The following POGZ variants were observed in gnomAD, a reference collection of about 807,000 sequenced individuals.
POGZ encodes the protein pogo transposable element derived with ZNF domain.
POGZ carries 17 observed loss-of-function variants against 134.6 expected under a neutral mutation model. The observed-to-expected ratio is 0.13, with a 90% CI of 0.09 to 0.19. The LOEUF is 0.19. POGZ is among the 10% of genes least tolerant of loss of function. POGZ has a pLI of 1.00. For synonymous variants in POGZ, 693 were observed against 657.1 expected (o/e 1.05, Z -0.84); for missense variants, 1,306 against 1,769.7 (o/e 0.74, Z 4.70).
intron 3 of POGZ, among the ~76,000 whole-genome samples, chr1:151,433,984 G>C (rs1659164728): frequency 6.6e-6 from 1 of 152,126 alleles, no homozygotes; most frequent in Non-Finnish European, 1.5e-5. Context: ...TTCGAGTCCA[G>C]CCTGGACAAC....
chr1:151,406,361 C>T lies in POGZ; in HGVS notation c.2674G>A (p.Ala892Thr), dbSNP rs1571327878. ...AGCTCTTCAGGCTCAGCTGGGGTGG[C>T]CCCCGCAGATTTCACAGTGGCAGCT... ...NKAATVKSAG[A>T]TPAEPEELLT... Residue 892 changes from alanine (A) to threonine (T), a missense_variant, in exon 19 of 19, where the codon GCC (alanine) becomes ACC (threonine). Transcript: ENST00000271715. The T allele has an allele frequency of 1.3e-6, 2 of 1,593,086 alleles. No homozygotes were observed. The highest frequency in any genetic ancestry group is 8.5e-7 in the Non-Finnish European group (1 of 1,170,340).
rs1310224987 is a variant in POGZ, at chr1:151,406,009, C to T, written c.3026G>A (p.Arg1009His). The change falls in exon 19 of 19, where the codon CGT becomes CAT. Residue 1009 changes from arginine to histidine, a missense_variant. Physicochemically the swap from Arg to His is conservative, Grantham distance 29. Transcript: ENST00000271715. ...ATTCTCCCCCTGGGAGGCCTGGAAA[C>T]GTCGAAGCCAACGGCGAATACGTCG... ...PQRRIRRWLR[R>H]FQASQGENLE... The T allele has an allele frequency of 3.1e-6, 5 of 1,614,104 alleles. No individual in the cohort carries two copies. Among genetic ancestry groups the T allele is most frequent in the African/African-American group, 1.3e-5 (1 of 74,930 alleles).
intron 10 of POGZ, among the ~76,000 whole-genome samples, chr1:151,418,139 C>T (rs1331257209): frequency 6.6e-6 from 1 of 151,976 alleles, no homozygotes; most frequent in Non-Finnish European, 1.5e-5. Context: ...TCACTTTAAC[C>T]CAGGAGGTGG....
intron 3 of POGZ, among the ~76,000 whole-genome samples, chr1:151,431,288 C>T (rs1216643180): frequency 6.6e-6 from 1 of 152,160 alleles, no homozygotes; most frequent in African/African-American, 2.4e-5. Context: ...GTGGCTAGCA[C>T]CCTGACTCTC....
chr1:151,441,972 G>A (rs781064806), intron 2 of POGZ, 109 bp downstream of exon 2: 47 of 737,624 alleles, frequency 6.4e-5, no homozygotes, highest in South Asian at 1.3e-4. Flanking sequence ...GTGCCACAAC[G>A]AGGTCTCCCT....
At chr1:151,411,570 CAT>C (rs1654672822) in intron 12 of POGZ, 53 bp downstream of exon 12, 2 of 1,282,130 alleles carry the variant, frequency 1.6e-6, no homozygotes, top group Non-Finnish European at 2.2e-6. Flanking sequence ...CCCCAGCATC[CAT>C]GTTTAAAAAA....
At chr1:151,443,424 G>A (rs933121073) in intron 1 of POGZ, among the ~76,000 whole-genome samples, 22 of 152,334 alleles carry the variant, frequency 1.4e-4, no homozygotes, top group African/African-American at 5.1e-4. Context: ...TCTGAGCCGG[G>A]TGCAGTGGCT....
intron 12 of POGZ, among the ~76,000 whole-genome samples, chr1:151,409,458 CCCAAGTAGCTGGGACTACAGGCACGTG>C (rs1312057185): frequency 6.6e-6 from 1 of 152,178 alleles, no homozygotes; most frequent in African/African-American, 2.4e-5. Context: ...CACTGCACGT[CCCAAGTAGCTGGGACTACAGGCACGTG>C]CCACCACGCC....
At chr1:151,455,699 C>T (rs1289467259) in intron 1 of POGZ, among the ~76,000 whole-genome samples, 1 of 152,146 alleles carries the variant, frequency 6.6e-6, no homozygotes. Flanking sequence ...TTGCATTTTG[C>T]AAATCTCTTT....
intron 4 of POGZ, among the ~76,000 whole-genome samples, chr1:151,430,464 G>A (rs750243781): frequency 2.6e-5 from 4 of 152,106 alleles, no homozygotes; most frequent in Non-Finnish European, 5.9e-5. Context: ...CTTCTAAGGG[G>A]TTTAAAGAAG....
chr1:151,409,774 G>A (rs72633634), intron 12 of POGZ, among the ~76,000 whole-genome samples: 12,148 of 152,168 alleles, frequency 0.08, 1,329 homozygotes, highest in East Asian at 0.44. Context: ...GATAGCACTT[G>A]TCTATACCTT....
intron 3 of POGZ, among the ~76,000 whole-genome samples, chr1:151,436,922 G>GGC (rs970460884): frequency 1.3e-5 from 2 of 152,166 alleles, no homozygotes; most frequent in Admixed American, 6.5e-5. Flanking sequence ...GGCCAGGTGA[G>GGC]GCGGCTCATG....
intron 3 of POGZ, among the ~76,000 whole-genome samples, chr1:151,434,046 C>G (rs529830292): frequency 2.6e-5 from 4 of 152,038 alleles, no homozygotes; most frequent in African/African-American, 9.7e-5. Context: ...TGGTGGCTTA[C>G]GCCTATAATG....
chr1:151,411,530 G>A, intron 12 of POGZ, 95 bp downstream of exon 12: 1 of 824,262 alleles, frequency 1.2e-6, no homozygotes, highest in Non-Finnish European at 1.9e-6. Context: ...TATAATCTCT[G>A]CCCAAATTAT....
In POGZ at chr1:151,404,531, T is replaced by TAA; in HGVS notation, c.*270_*271insTT. ...AAATACCAAACACAGTGATTTAAAT[T>TAA]TAAAAAAAAAAAAAGTCACAAAAAC... On this transcript the variant is annotated 3_prime_UTR_variant, in exon 19 of 19. Coordinates refer to ENST00000271715, the MANE Select transcript of POGZ (RefSeq NM_015100.4). The TAA allele has an allele frequency of 8.9e-7, 1 of 1,121,288 alleles. No homozygotes were observed. The highest frequency in any genetic ancestry group is 1.1e-6 in the Non-Finnish European group (1 of 916,476). 69.5% of individuals were successfully genotyped at this position (1,121,288 alleles called of 1,614,324 possible).
rs1653183306 is a variant in POGZ at position 151,404,242 on chromosome 1, A to T, written c.*560T>A. 10 of 984,558 alleles carry T rather than the reference A, an allele frequency of 1.0e-5. No homozygotes were observed. The highest frequency in any genetic ancestry group is 1.2e-5 in the Non-Finnish European group (10 of 828,784). 61.0% of individuals were successfully genotyped at this position (984,558 alleles called of 1,614,324 possible). On this transcript the variant is annotated 3_prime_UTR_variant, in exon 19 of 19. Transcript: ENST00000271715. ...TTTTTTCCATTTTCATTTTTATATAAAAGTGTTAAGACCACAATGAAAAAA... is the reference window on the plus strand; with the variant it reads ...TTTTTTCCATTTTCATTTTTATATATAAGTGTTAAGACCACAATGAAAAAA...
chr1:151,458,635 G>GCCCCCTCGCCGGC (rs1663073674), intron 1 of POGZ, among the ~76,000 whole-genome samples: 1 of 142,474 alleles, frequency 7.0e-6, no homozygotes, highest in African/African-American at 2.5e-5. Context: ...GCACGGCCTC[G>GCCCCCTCGCCGGC]CCCCCTCGCC....
rs544347649 is a variant in POGZ at position 151,438,794 on chromosome 1, C to T, written c.283+2134G>A. 6.6e-5 allele frequency among the ~76,000 whole-genome samples: 10 copies of T among 151,984 alleles called. No homozygotes were observed. The South Asian group carries it at 2.1e-3, about 32-fold the overall frequency. Reference sequence around the variant, plus strand: ...TTGCGGGGCTGAGATGGCAGGATTGCTGAGCCACAGAGGTTGAGGCTGCAG... The same window carrying T: ...TTGCGGGGCTGAGATGGCAGGATTGTTGAGCCACAGAGGTTGAGGCTGCAG... On this transcript the variant is annotated intron_variant, in intron 3 of 18. Coordinates refer to ENST00000271715, the MANE Select transcript of POGZ (RefSeq NM_015100.4).
At position 151,428,190 on chromosome 1, in the gene POGZ, T is replaced by C; in HGVS notation, c.792A>G (p.Pro264=). ...STSTTPTATQ[P]TSLGQLAVQS... ...GAACAGCTAGTTGCCCCAGTGAGGTTGGCTGTGTGGCAGTGGGAGTGGTAG... is the reference window on the plus strand; with the variant it reads ...GAACAGCTAGTTGCCCCAGTGAGGTCGGCTGTGTGGCAGTGGGAGTGGTAG... The change falls in exon 6 of 19, where the codon CCA becomes CCG. Residue 264 remains proline (P), a synonymous_variant. Coordinates refer to ENST00000271715, the MANE Select transcript of POGZ (RefSeq NM_015100.4). The C allele has an allele frequency of 6.2e-7, 1 of 1,614,178 alleles. No individual in the cohort carries two copies. The highest frequency in any genetic ancestry group is 1.1e-5 in the South Asian group (1 of 91,092).
Sources: gnomAD v4.1 joint callset for allele counts (sites outside exome capture counted in the v4.1 genomes callset) on GRCh38, gnomAD v4.1.1 for gene constraint, MANE v1.5 for transcripts, NCBI Gene and HGNC (gene_info 2026-07-23, HGNC 2026-07-21) for gene names.